The following STIM1 variants were observed in gnomAD, a reference collection of about 807,000 sequenced individuals.
STIM1 encodes the protein stromal interaction molecule 1.
Under a neutral mutation model 74.7 loss-of-function variants are expected in STIM1, and 25 were observed. That is an observed-to-expected ratio of 0.33 (90% CI 0.24 to 0.47). The LOEUF is 0.47. Among genes scored for constraint, STIM1 ranks in the 20% least tolerant of loss-of-function variants. STIM1 has a pLI of 1.00. For missense variants in STIM1, 728 were observed against 920.8 expected, an observed-to-expected ratio of 0.79 and a Z score of 2.71; for synonymous variants, 328 against 348.8, an observed-to-expected ratio of 0.94 and a Z score of 0.66.
chr11:3,956,228 T>A (rs1430218233), intron 1 of STIM1, among the ~76,000 whole-genome samples: 2 of 152,162 alleles, frequency 1.3e-5, no homozygotes, highest in Non-Finnish European at 2.9e-5. Context: ...GCATTTCTGC[T>A]GATTGGTCAT....
intron 1 of STIM1, among the ~76,000 whole-genome samples, chr11:3,942,384 A>G (rs1186937632): frequency 6.6e-6 from 1 of 152,146 alleles, no homozygotes; most frequent in Admixed American, 6.5e-5. Flanking sequence ...TTCCTTGTAA[A>G]CTTGTAAGTC....
rs541234522 is a variant in STIM1 at position 4,004,159 on chromosome 11, T to C, written c.271-19714T>C. 7.7e-3 allele frequency among the ~76,000 whole-genome samples: 1,168 copies of C among 152,306 alleles called. 10 individuals carry two copies. Among genetic ancestry groups the C allele is most frequent in the Non-Finnish European group, 0.012 (826 of 68,022 alleles). On this transcript the variant is annotated intron_variant, in intron 2 of 12. Transcript: ENST00000526596. ...AGAATCAATATCATGAAAATGGCCA[T>C]GCTGCCCAAGGTAATTTATAGATTC...
chr11:3,913,907 T>G (rs188252572), intron 1 of STIM1, among the ~76,000 whole-genome samples: 85 of 152,334 alleles, frequency 5.6e-4, no homozygotes, highest in South Asian at 2.7e-3. Flanking sequence ...GAATAATATT[T>G]TGGAGCTTAA....
intron 1 of STIM1, among the ~76,000 whole-genome samples, chr11:3,920,212 C>G (rs1039935068): frequency 3.3e-5 from 5 of 152,038 alleles, no homozygotes; most frequent in Non-Finnish European, 7.4e-5. Context: ...CTTTCTGCCT[C>G]AGCCTCCTAA....
intron 1 of STIM1, among the ~76,000 whole-genome samples, chr11:3,869,277 A>G (rs747610572): frequency 6.6e-6 from 1 of 152,178 alleles, no homozygotes; most frequent in African/African-American, 2.4e-5. Context: ...CCTGAGTACT[A>G]TTCTTTATCA....
chr11:3,942,162 A>T (rs953737187), intron 1 of STIM1, among the ~76,000 whole-genome samples: 2 of 152,152 alleles, frequency 1.3e-5, no homozygotes, highest in Non-Finnish European at 2.9e-5. Context: ...ATCATTGGTG[A>T]GCACTGCATG....
At chr11:4,037,417 C>T (rs1481112726) in intron 3 of STIM1, among the ~76,000 whole-genome samples, 1 of 152,154 alleles carries the variant, frequency 6.6e-6, no homozygotes, top group African/African-American at 2.4e-5. Context: ...GTGGATTTGC[C>T]TATTTTTCCT....
intron 2 of STIM1, among the ~76,000 whole-genome samples, chr11:4,009,986 A>C (rs569005411): frequency 1.3e-5 from 2 of 150,880 alleles, no homozygotes; most frequent in Non-Finnish European, 3.0e-5. Context: ...CTAATTTTAA[A>C]ATTTTTTGTG....
intron 1 of STIM1, among the ~76,000 whole-genome samples, chr11:3,922,298 A>G (rs184119465): frequency 1.3e-5 from 2 of 152,270 alleles, no homozygotes; most frequent in East Asian, 3.9e-4. Flanking sequence ...TGACATATGT[A>G]TGAATATCTA....
intron 1 of STIM1, among the ~76,000 whole-genome samples, chr11:3,890,240 G>A (rs560687520): frequency 1.7e-4 from 26 of 152,198 alleles, no homozygotes; most frequent in Non-Finnish European, 3.7e-4. Flanking sequence ...TGCAATCTGA[G>A]AGCAGGGGCC....
rs1465277882 is a variant in STIM1 at position 3,867,691 on chromosome 11, T to G, written c.139+11282T>G. Among the ~76,000 whole-genome samples, 3 of 152,314 alleles carry G rather than the reference T, an allele frequency of 2.0e-5. No homozygotes were observed. The East Asian group carries it at 5.8e-4, about 29-fold the overall frequency. On this transcript the variant is annotated intron_variant, in intron 1 of 12. Transcript: ENST00000526596. ...CGCTGGGGAGGGGCCTCTTGGGAGA[T>G]GTGATGGAGGAGACAAAAGAATAAA...
chr11:4,088,711 T>G, intron 12 of STIM1: 1 of 1,535,844 alleles, frequency 6.5e-7, no homozygotes, highest in Non-Finnish European at 8.7e-7. Flanking sequence ...GAGGATCATC[T>G]CTAAAGGCAA....
intron 2 of STIM1, chr11:3,972,731 A>G: frequency 2.2e-6 from 1 of 453,552 alleles, no homozygotes; most frequent in Non-Finnish European, 4.4e-6. Context: ...TGAGTTCACA[A>G]ATCTGTTGTA....
intron 1 of STIM1, among the ~76,000 whole-genome samples, chr11:3,896,924 G>C (rs1487571511): frequency 6.6e-6 from 1 of 152,172 alleles, no homozygotes; most frequent in Admixed American, 6.6e-5. Context: ...AGATTAAGAT[G>C]AGATAATCTA....
chr11:3,941,669 T>G (rs28544122), intron 1 of STIM1, among the ~76,000 whole-genome samples: 1,127 of 86,368 alleles, frequency 0.013, 17 homozygotes, highest in African/African-American at 0.036. Flanking sequence ...TATATATATA[T>G]ATATAGAGAG....
chr11:3,865,702 T>C (rs1366149361), intron 1 of STIM1, among the ~76,000 whole-genome samples: 2 of 152,200 alleles, frequency 1.3e-5, no homozygotes, highest in East Asian at 3.9e-4. Context: ...GAGCCTTATG[T>C]TGTATGTCTC....
intron 1 of STIM1, among the ~76,000 whole-genome samples, chr11:3,938,939 T>C (rs2092970495): frequency 6.6e-6 from 1 of 152,144 alleles, no homozygotes. Flanking sequence ...TGAACCAGTA[T>C]CTTGAAACCC....
At chr11:4,090,396 T>C (rs2094517132) in intron 12 of STIM1, among the ~76,000 whole-genome samples, 2 of 152,192 alleles carry the variant, frequency 1.3e-5, no homozygotes, top group African/African-American at 4.8e-5. Flanking sequence ...ACATTCTCCG[T>C]CAGCAGAGTT....
At chr11:4,086,081 A>G (rs2094491426) in intron 11 of STIM1, 2 of 201,788 alleles carry the variant, frequency 9.9e-6, no homozygotes, top group Non-Finnish European at 1.0e-5. Flanking sequence ...ATGTTTATGT[A>G]TAAGTCCTTG....
Sources: gnomAD v4.1 joint callset for allele counts (sites outside exome capture counted in the v4.1 genomes callset) on GRCh38, gnomAD v4.1.1 for gene constraint, MANE v1.5 for transcripts, NCBI Gene and HGNC (gene_info 2026-07-23, HGNC 2026-07-21) for gene names.